The following DCHS2 variants were observed in gnomAD, a reference collection of about 807,000 sequenced individuals.
The protein encoded by DCHS2 is protocadherin-23.
A neutral mutation model predicts 182.4 loss-of-function variants in DCHS2; 142 were observed. The observed-to-expected ratio is 0.78, with a 90% CI of 0.68 to 0.89. The LOEUF is 0.89. DCHS2 is among the 40% of genes least tolerant of loss of function. The pLI is 0.00. For missense variants in DCHS2, 4,319 were observed against 4,198.6 expected (o/e 1.03, Z -0.79); for synonymous variants, 1,740 against 1,663.3 (o/e 1.05, Z -1.12).
intron 10 of DCHS2, 100 bp from the exon 11 acceptor site, chr4:154,305,331 A>G: frequency 5.9e-6 from 8 of 1,357,536 alleles, no homozygotes; most frequent in Non-Finnish European, 7.7e-6. Context: ...GCCATAGATG[A>G]AAATGGCAAG....
intron 7 of DCHS2, chr4:154,323,125 G>C (rs1415584840): frequency 7.1e-7 from 1 of 1,416,424 alleles, no homozygotes; most frequent in African/African-American, 1.4e-5. Context: ...CTTGTATCCT[G>C]ACATTTTCCA....
intron 1 of DCHS2, among the ~76,000 whole-genome samples, chr4:154,400,127 C>T (rs1033450960): frequency 7.2e-5 from 11 of 151,946 alleles, no homozygotes; most frequent in Non-Finnish European, 1.2e-4. Flanking sequence ...CACGGTAAAA[C>T]CCCGTCTCTA....
At chr4:154,250,797 G>A (rs1732315352) in intron 16 of DCHS2, among the ~76,000 whole-genome samples, 1 of 152,124 alleles carries the variant, frequency 6.6e-6, no homozygotes, top group South Asian at 2.1e-4. Context: ...CCATTATGAG[G>A]TGTCTTTAGA....
intron 3 of DCHS2, among the ~76,000 whole-genome samples, chr4:154,345,385 G>T (rs1293147665): frequency 6.6e-6 from 1 of 152,194 alleles, no homozygotes; most frequent in Non-Finnish European, 1.5e-5. Flanking sequence ...ACTGGCTGCT[G>T]ACTGATGCTG....
At chr4:154,261,519 G>GT (rs1292446071) in intron 14 of DCHS2, among the ~76,000 whole-genome samples, 1 of 152,190 alleles carries the variant, frequency 6.6e-6, no homozygotes, top group Non-Finnish European at 1.5e-5. Flanking sequence ...GGGAGCTGCA[G>GT]TTTTTATTGC....
chr4:154,291,189 G>C (rs1734641100), intron 13 of DCHS2, among the ~76,000 whole-genome samples: 1 of 151,992 alleles, frequency 6.6e-6, no homozygotes. Flanking sequence ...AAGAAAAGGT[G>C]CTCAACACCA....
chr4:154,450,191 G>A (rs1249323697), intron 1 of DCHS2, among the ~76,000 whole-genome samples: 2 of 152,168 alleles, frequency 1.3e-5, no homozygotes, highest in Non-Finnish European at 2.9e-5. Context: ...GGATAACATA[G>A]ATGAAGGAAA....
chr4:154,308,391 G>A (rs1195994127), intron 10 of DCHS2, among the ~76,000 whole-genome samples: 1 of 152,186 alleles, frequency 6.6e-6, no homozygotes, highest in African/African-American at 2.4e-5. Flanking sequence ...TTCCAGGAGT[G>A]GGGTGCATTG....
At chr4:154,359,932 T>C (rs1030552059) in intron 3 of DCHS2, among the ~76,000 whole-genome samples, 1 of 152,084 alleles carries the variant, frequency 6.6e-6, no homozygotes, top group Non-Finnish European at 1.5e-5. Context: ...TTCTATCTTA[T>C]TTAGTTGAAT....
chr4:154,235,244 C>CG lies in DCHS2; in HGVS notation c.9407dup (p.Arg3137GlufsTer14). 1.2e-6 allele frequency: 2 copies of CG among 1,614,044 alleles called. No individual in the cohort carries two copies. Among genetic ancestry groups the CG allele is most frequent in the South Asian group, 2.2e-5 (2 of 91,076 alleles). On this transcript the variant is annotated frameshift_variant, in exon 20 of 20. Transcript: ENST00000357232. LOFTEE classifies it low-confidence loss of function (END_TRUNC). Reference sequence around the variant, plus strand: ...GGCAGGAGAGCTGGTCTGAGTCCCTCGGGATACCCGAGTCTGGCACCCTGG... The same window carrying CG: ...GGCAGGAGAGCTGGTCTGAGTCCCTCGGGGATACCCGAGTCTGGCACCCTGG...
chr4:154,257,031 C>T (rs115337178), intron 15 of DCHS2, among the ~76,000 whole-genome samples: 6,715 of 152,122 alleles, frequency 0.044, 464 homozygotes, highest in African/African-American at 0.15. Context: ...GGGTGGATTA[C>T]GAGGTTAAGA....
intron 13 of DCHS2, among the ~76,000 whole-genome samples, chr4:154,294,608 G>A (rs1282858556): frequency 2.0e-5 from 3 of 152,148 alleles, no homozygotes; most frequent in Non-Finnish European, 2.9e-5. Flanking sequence ...CAACAGAAGA[G>A]TATTAATATA....
At chr4:154,430,568 G>A (rs187843999) in intron 1 of DCHS2, among the ~76,000 whole-genome samples, 56 of 152,304 alleles carry the variant, frequency 3.7e-4, no homozygotes, top group Admixed American at 3.1e-3. Context: ...AGTCTCTTCC[G>A]TAGAGCAGAC....
chr4:154,323,392 C>T, intron 7 of DCHS2: 2 of 1,535,892 alleles, frequency 1.3e-6, no homozygotes, highest in African/African-American at 1.4e-5. Flanking sequence ...CGCAATTGTG[C>T]CATGATAGCT....
intron 2 of DCHS2, among the ~76,000 whole-genome samples, chr4:154,375,487 T>A (rs1423869229): frequency 6.6e-6 from 1 of 151,884 alleles, no homozygotes; most frequent in South Asian, 2.1e-4. Flanking sequence ...AAGAAAAAGA[T>A]CCAACAATAA....
intron 1 of DCHS2, among the ~76,000 whole-genome samples, chr4:154,413,027 A>G (rs1271420036): frequency 6.6e-6 from 1 of 152,202 alleles, no homozygotes; most frequent in African/African-American, 2.4e-5. Context: ...CAGCATTGAC[A>G]GACATAATCT....
intron 1 of DCHS2, among the ~76,000 whole-genome samples, chr4:154,420,850 G>C (rs939104683): frequency 3.3e-5 from 5 of 152,132 alleles, no homozygotes; most frequent in Non-Finnish European, 5.9e-5. Context: ...CACCCTCATA[G>C]TAGGACAATT....
chr4:154,370,083 C>T (rs1188122307), intron 2 of DCHS2, among the ~76,000 whole-genome samples: 3 of 152,022 alleles, frequency 2.0e-5, no homozygotes, highest in Non-Finnish European at 4.4e-5. Context: ...CTTTCTATGT[C>T]AATGAACTCC....
At chr4:154,276,816 C>A (rs1376001367) in intron 13 of DCHS2, among the ~76,000 whole-genome samples, 1 of 152,180 alleles carries the variant, frequency 6.6e-6, no homozygotes, top group Admixed American at 6.5e-5. Context: ...GGACACCAGG[C>A]AAGCTCAAAA....
Sources: allele counts gnomAD v4.1 joint callset (sites outside exome capture counted in the v4.1 genomes callset), GRCh38; gene constraint gnomAD v4.1.1; transcripts MANE v1.5; gene names NCBI Gene and HGNC (gene_info 2026-07-23, HGNC 2026-07-21).